The following TLR1 variants were observed in gnomAD, a reference collection of about 807,000 sequenced individuals.
The protein encoded by TLR1 is toll-like receptor 1.
Under a neutral mutation model 20.2 loss-of-function variants are expected in TLR1, and 19 were observed. The observed-to-expected ratio is 0.94, with a 90% confidence interval of 0.66 to 1.38. The LOEUF is 1.38. TLR1 is among the 40% of genes most tolerant of loss of function. TLR1 has a pLI of 0.00. For synonymous variants in TLR1, 320 were observed against 334.5 expected (o/e 0.96, Z 0.47); for missense variants, 921 against 910.0 (o/e 1.01, Z -0.16).
chr4:38,804,906 A>G (rs1726925946), upstream of TLR1: 1 of 152,228 alleles, frequency 6.6e-6, no homozygotes, highest in African/African-American at 2.4e-5. Flanking sequence ...CTGGAATTAC[A>G]TTACATAGTT....
At chr4:38,789,774 C>A (rs981662128), downstream of TLR1, among the ~76,000 whole-genome samples, 6 of 152,106 alleles carry the variant, frequency 3.9e-5, no homozygotes, top group East Asian at 9.6e-4. Context: ...CAATGGTTTA[C>A]TTTTTAAAAG....
rs1192178986 is a variant in TLR1, at chr4:38,797,034, G to A, written c.1798C>T (p.Leu600Phe). 2 of 1,614,196 alleles carry A rather than the reference G, an allele frequency of 1.2e-6. No individual in the cohort carries two copies. Among genetic ancestry groups the A allele is most frequent in the African/African-American group, 1.3e-5 (1 of 75,042 alleles). ...MLVLAVTVTS[L>F]CSYLDLPWYL... ...CAGGGCAGATCCAAGTAGCTGCAGA[G>A]GGAGGTCACAGTCACAGCCAACACC... Residue 600 changes from leucine to phenylalanine, a missense_variant, in exon 4 of 4, where the codon CTC becomes TTC. By Grantham distance (22) the Leu-to-Phe change is conservative. Transcript: ENST00000308979.
chr4:38,798,673 C>T lies in TLR1; in HGVS notation c.159G>A (p.Ser53=), dbSNP rs55851227. 4.1e-5 allele frequency: 66 copies of T among 1,613,736 alleles called. No homozygotes were observed. Among genetic ancestry groups the T allele is most frequent in the Admixed American group, 3.2e-4 (19 of 59,978 alleles). The change falls in exon 4 of 4, where the codon TCG becomes TCA. Residue 53 remains serine, a synonymous_variant. Coordinates refer to ENST00000308979, the MANE Select transcript of TLR1 (RefSeq NM_003263.4). ...LSQKTTILNI[S]QNYISELWTS... ...TCCAAAGCTCAGATATATAATTTTG[C>T]GATATATTTAAGATTGTTGTTTTCT...
chr4:38,796,827 G>T lies in TLR1; in HGVS notation c.2005C>A (p.His669Asn). 1 of 1,614,252 alleles carries T rather than the reference G, an allele frequency of 6.2e-7. No individual in the cohort carries two copies. The highest frequency in any genetic ancestry group is 2.2e-5 in the East Asian group (1 of 44,894). ...LEKEGMQICL[H>N]ERNFVPGKSI... is the part of the protein sequence containing the mutation. Reference sequence around the variant, plus strand: ...TTGCCAGGAACAAAGTTTCTCTCATGAAGGCAAATCTGCATACCTTCTTTC... The same window carrying T: ...TTGCCAGGAACAAAGTTTCTCTCATTAAGGCAAATCTGCATACCTTCTTTC... The change falls in exon 4 of 4, where the codon CAT (histidine) becomes AAT (asparagine). Residue 669 changes from histidine to asparagine, a missense_variant. By Grantham distance (68) the His-to-Asn change is moderately conservative (BLOSUM62 1). Coordinates refer to ENST00000308979, the MANE Select transcript of TLR1 (RefSeq NM_003263.4).
chr4:38,788,955 A>G (rs115299752), downstream of TLR1, among the ~76,000 whole-genome samples: 4,954 of 152,252 alleles, frequency 0.033, 303 homozygotes, highest in African/African-American at 0.11. Flanking sequence ...ACAGTGAGCT[A>G]TGATTGTGCC....
At position 38,796,752 on chromosome 4, in the gene TLR1, T is replaced by A; in HGVS notation, c.2080A>T (p.Ile694Phe). ...ITCIEKSYKSIFVLSPNFVQS... is the reference protein window; with the variant it reads ...ITCIEKSYKSFFVLSPNFVQS... ...ACAAAGTTGGGAGACAAAACAAAGA[T>A]GGACTTGTAACTCTTCTCAATGCAG... The change falls in exon 4 of 4, where the codon ATC becomes TTC. Residue 694 changes from isoleucine (I) to phenylalanine (F), a missense_variant. Ile to Phe is a conservative substitution (Grantham distance 21). Transcript: ENST00000308979. 6.2e-7 allele frequency: 1 copy of A among 1,614,208 alleles called. No individual in the cohort carries two copies. The highest frequency in any genetic ancestry group is 8.5e-7 in the Non-Finnish European group (1 of 1,180,036).
chr4:38,797,206 T>C lies in TLR1; in HGVS notation c.1626A>G (p.Val542=), dbSNP rs1333495981. The C allele has an allele frequency of 6.8e-6, 11 of 1,614,152 alleles. No homozygotes were observed. The highest frequency in any genetic ancestry group is 9.3e-6 in the Non-Finnish European group (11 of 1,180,052). ...LGEFVKNIDQ[V]SSEVLEGWPD... is the part of the protein sequence containing the mutation. ...GCCAGCCCTCTAACACTTCACTTGA[T>C]ACTTGGTCTATATTTTTGACAAATT... Residue 542 remains valine (V), a synonymous_variant, in exon 4 of 4, where the codon GTA becomes GTG. Transcript: ENST00000308979.
rs1408787391 is a variant in TLR1, at chr4:38,797,953, A to G, written c.879T>C (p.Asp293=). 17 of 1,614,094 alleles carry G rather than the reference A, an allele frequency of 1.1e-5. No homozygotes were observed. The highest frequency in any genetic ancestry group is 1.4e-5 in the Non-Finnish European group (17 of 1,180,038). ...AGGCCTTCAAGGAAGTGCCAGAATA[A>G]TCAAAATCTCTGAAGTCCAGCTGAC... ...LQGQLDFRDF[D]YSGTSLKALS... Residue 293 remains aspartate, a synonymous_variant, in exon 4 of 4, where the codon GAT becomes GAC. Coordinates refer to ENST00000308979, the MANE Select transcript of TLR1 (RefSeq NM_003263.4).
upstream of TLR1, chr4:38,805,100 C>A (rs1006224761): frequency 1.3e-5 from 2 of 152,244 alleles, no homozygotes; most frequent in African/African-American, 4.8e-5. Flanking sequence ...TGGCTGAATT[C>A]AAAATGCTTA....
In TLR1 at chr4:38,797,520, T is replaced by C; in HGVS notation, c.1312A>G (p.Thr438Ala). 6.2e-7 allele frequency: 1 copy of C among 1,614,142 alleles called. No homozygotes were observed. Among genetic ancestry groups the C allele is most frequent in the Non-Finnish European group, 8.5e-7 (1 of 1,180,032 alleles). The change falls in exon 4 of 4, where the codon ACT (threonine) becomes GCT (alanine). Residue 438 changes from threonine to alanine, a missense_variant. Physicochemically the swap from Thr to Ala is moderately conservative, Grantham distance 58. Transcript: ENST00000308979. ...CTGGGAGGTAAACATCTGAAAATAG[T>C]GTCAGTAAGTATATTTGAAGACATA... is the stretch of plus-strand genomic sequence containing the variant. ...LNMSSNILTD[T>A]IFRCLPPRIK...
At position 38,797,081 on chromosome 4, in the gene TLR1, A is replaced by G. The variant is rs150358789; in HGVS notation, c.1751T>C (p.Val584Ala). ...ELSCNITLLI[V>A]TIVATMLVLA... ...CACCAGCATGGTGGCAACGATGGTG[A>G]CGATCAGCAGAGTTATGTTGCAGGA... Residue 584 changes from valine (V) to alanine (A), a missense_variant, in exon 4 of 4, where the codon GTC (valine) becomes GCC (alanine). Coordinates refer to ENST00000308979, the MANE Select transcript of TLR1 (RefSeq NM_003263.4). 35 of 1,614,212 alleles carry G rather than the reference A, an allele frequency of 2.2e-5. No individual in the cohort carries two copies. The African/African-American group carries it at 4.4e-4, about 20-fold the overall frequency.
downstream of TLR1, among the ~76,000 whole-genome samples, chr4:38,793,911 GAGAC>G (rs1725869265): frequency 6.6e-6 from 1 of 151,872 alleles, no homozygotes; most frequent in South Asian, 2.1e-4. Context: ...TTTGGACACA[GAGAC>G]AGACAGGCAT....
At chr4:38,804,711 T>C (rs929904617) in intron 1 of TLR1, 43 bp downstream of exon 1, 1 of 152,214 alleles carries the variant, frequency 6.6e-6, no homozygotes, top group African/African-American at 2.4e-5. Flanking sequence ...TAACTAGCTA[T>C]ACAATTATTT....
At position 38,798,585 on chromosome 4, in the gene TLR1, A is replaced by G; in HGVS notation, c.247T>C (p.Tyr83His). The G allele has an allele frequency of 6.2e-7, 1 of 1,614,132 alleles. No homozygotes were observed. Among genetic ancestry groups the G allele is most frequent in the Non-Finnish European group, 8.5e-7 (1 of 1,179,992 alleles). ...ILIISHNRIQYLDISVFKFNQ... is the reference protein window; with the variant it reads ...ILIISHNRIQHLDISVFKFNQ... ...AATTTGAAAACACTGATATCAAGAT[A>G]CTGGATTCTATTATGAGAAATTATC... The change falls in exon 4 of 4, where the codon TAT becomes CAT. Residue 83 changes from tyrosine to histidine, a missense_variant. Transcript: ENST00000308979.
In TLR1 at chr4:38,798,768, A is replaced by T; in HGVS notation, c.64T>A (p.Ser22Thr). The change falls in exon 4 of 4, where the codon TCT (serine) becomes ACT (threonine). Residue 22 changes from serine to threonine, a missense_variant. By Grantham distance (58) the Ser-to-Thr change is moderately conservative. Coordinates refer to ENST00000308979, the MANE Select transcript of TLR1 (RefSeq NM_003263.4). ...TCAACTAAAAATTCACTTTCTTCAG[A>T]TAATTGTATTCTGATCTGAAGTATT... is the stretch of plus-strand genomic sequence containing the variant. ...MLILQIRIQL[S>T]EESEFLVDRS... 6.2e-7 allele frequency: 1 copy of T among 1,612,226 alleles called. No individual in the cohort carries two copies. The highest frequency in any genetic ancestry group is 8.5e-7 in the Non-Finnish European group (1 of 1,179,800).
chr4:38,798,665 T>C lies in TLR1; in HGVS notation c.167A>G (p.Tyr56Cys), dbSNP rs753404339. 8.1e-6 allele frequency: 13 copies of C among 1,613,936 alleles called. No homozygotes were observed. In the African/African-American group the frequency reaches 1.6e-4, roughly 20 times the overall value. ...GTCAGAAGTCCAAAGCTCAGATATA[T>C]AATTTTGCGATATATTTAAGATTGT... Reference protein sequence around the residue: ...KTTILNISQNYISELWTSDIL... With the variant: ...KTTILNISQNCISELWTSDIL... Residue 56 changes from tyrosine (Y) to cysteine (C), a missense_variant, in exon 4 of 4, where the codon TAT becomes TGT. Physicochemically the swap from Tyr to Cys is radical, Grantham distance 194 (BLOSUM62 -2). Transcript: ENST00000308979.
Position 38,797,717 on chromosome 4 carries a change from G to T in TLR1, c.1115C>A (p.Thr372Asn). The T allele has an allele frequency of 6.2e-7, 1 of 1,613,848 alleles. No homozygotes were observed. The stretch of plus-strand genomic sequence containing the variant: ...TTGTAAAATAAGTGTCTCCAACTCA[G>T]TAAGGTGCCCACAATTTTCAAAAAC... The part of the protein sequence containing the change: ...DTVFENCGHL[T>N]ELETLILQMN... The change falls in exon 4 of 4, where the codon ACT becomes AAT. Residue 372 changes from threonine (T) to asparagine (N), a missense_variant. By Grantham distance (65) the Thr-to-Asn change is moderately conservative. Transcript: ENST00000308979.
In TLR1 at chr4:38,796,357, C is replaced by T; in HGVS notation, c.*114G>A. 1 of 1,192,132 alleles carries T rather than the reference C, an allele frequency of 8.4e-7. No individual in the cohort carries two copies. Among genetic ancestry groups the T allele is most frequent in the Non-Finnish European group, 1.2e-6 (1 of 854,890 alleles). The allele number at this position is 1,192,132 out of a possible 1,614,324, so 73.8% of individuals were successfully genotyped here. ...ACCCGAAGGTATATATTTTTACCTACATCATACACTCACAATTGTGTTTAC... is the reference window on the plus strand; with the variant it reads ...ACCCGAAGGTATATATTTTTACCTATATCATACACTCACAATTGTGTTTAC... On this transcript the variant is annotated 3_prime_UTR_variant, in exon 4 of 4. Transcript: ENST00000308979.
chr4:38,801,569 A>G (rs770683571), intron 2 of TLR1, among the ~76,000 whole-genome samples: 4 of 152,166 alleles, frequency 2.6e-5, no homozygotes, highest in Non-Finnish European at 5.9e-5. Context: ...CTATGCCTGA[A>G]TCCAGATCAA....
Sources: gnomAD v4.1 joint callset for allele counts (sites outside exome capture counted in the v4.1 genomes callset) on GRCh38, gnomAD v4.1.1 for gene constraint, MANE v1.5 for transcripts, NCBI Gene and HGNC (gene_info 2026-07-23, HGNC 2026-07-21) for gene names.